The following LAMA2 variants were observed in gnomAD, a reference collection of about 807,000 sequenced individuals.
LAMA2 encodes laminin subunit alpha 2.
LAMA2 carries 269 observed loss-of-function variants against 364.8 expected under a neutral mutation model. The ratio of observed to expected loss-of-function variants is 0.74; its 90% confidence interval spans 0.67 to 0.82. The LOEUF (loss-of-function observed/expected upper bound fraction) is 0.82. Among genes scored for constraint, LAMA2 ranks in the 40% least tolerant of loss-of-function variants. The probability of loss-of-function intolerance (pLI) is 0.00; values close to 1 mark genes in which losing one functional copy is unlikely to be tolerated. For missense variants in LAMA2, 3,807 were observed against 3,873.2 expected (o/e 0.98, Z 0.45); for synonymous variants, 1,379 against 1,370.6 (o/e 1.01, Z -0.14).
intron 1 of LAMA2, among the ~76,000 whole-genome samples, chr6:129,033,895 G>GTTTT (rs10686168): frequency 1.4e-5 from 2 of 147,226 alleles, no homozygotes; most frequent in Non-Finnish European, 1.5e-5. Context: ...CCAGCTATGG[G>GTTTT]TTTTTTTTTT....
At chr6:129,093,033 G>A (rs1249623104) in intron 3 of LAMA2, among the ~76,000 whole-genome samples, 1 of 152,088 alleles carries the variant, frequency 6.6e-6, no homozygotes, top group Non-Finnish European at 1.5e-5. Context: ...GGGTTCCCGA[G>A]TGCAGTGGTG....
At chr6:129,364,425 T>C (rs577660426) in intron 32 of LAMA2, among the ~76,000 whole-genome samples, 1 of 152,338 alleles carries the variant, frequency 6.6e-6, no homozygotes, top group South Asian at 2.1e-4. Flanking sequence ...CATTGATACC[T>C]CTATCTGCAG....
chr6:129,457,795 C>G (rs1203199399), intron 48 of LAMA2, among the ~76,000 whole-genome samples: 1 of 152,062 alleles, frequency 6.6e-6, no homozygotes, highest in Admixed American at 6.6e-5. Context: ...AGTCTGAGAT[C>G]AAGGTACTGG....
chr6:129,411,329 T>C (rs1362104526), intron 40 of LAMA2, among the ~76,000 whole-genome samples: 4 of 152,066 alleles, frequency 2.6e-5, no homozygotes, highest in Admixed American at 1.3e-4. Context: ...AAAAATAATA[T>C]AAAATACAGA....
rs367588717 is a variant in LAMA2 at position 129,342,964 on chromosome 6, AT to A, written c.4436+498del. Among the ~76,000 whole-genome samples, 43 of 152,250 alleles carry A rather than the reference AT, an allele frequency of 2.8e-4. 1 individual carries two copies. The highest frequency in any genetic ancestry group is 2.0e-3 in the Admixed American group (30 of 15,276). On this transcript the variant is annotated intron_variant, in intron 30 of 64. Coordinates refer to ENST00000421865, the MANE Select transcript of LAMA2 (RefSeq NM_000426.4). ...GTGACTTATTGTTATGCTCCAAAAA[AT>A]GTCATCTCCCGGAATCACAGCCTCC... is the stretch of plus-strand genomic sequence containing the variant.
intron 56 of LAMA2, among the ~76,000 whole-genome samples, chr6:129,487,540 T>TA (rs1479860724): frequency 6.6e-6 from 1 of 152,160 alleles, no homozygotes; most frequent in Non-Finnish European, 1.5e-5. Context: ...AGGATACTTT[T>TA]AAATGCAACG....
In LAMA2 at chr6:129,393,180, G is replaced by A. The variant is rs1277771090; in HGVS notation, c.5370G>A (p.Leu1790=). ...AAGTTGATGATGCTTGGGACCTTTT[G>A]AGAGAAGCCACAGATAAAATCAGAG... ...KNKVDDAWDL[L]REATDKIREA... Residue 1790 remains leucine (L), a synonymous_variant, in exon 37 of 65, where the codon TTG becomes TTA. Coordinates refer to ENST00000421865, the MANE Select transcript of LAMA2 (RefSeq NM_000426.4). 1 of 1,614,110 alleles carries A rather than the reference G, an allele frequency of 6.2e-7. No homozygotes were observed. The highest frequency in any genetic ancestry group is 8.5e-7 in the Non-Finnish European group (1 of 1,179,972).
At chr6:128,997,987 T>C (rs775824377) in intron 1 of LAMA2, among the ~76,000 whole-genome samples, 4 of 151,726 alleles carry the variant, frequency 2.6e-5, no homozygotes, top group East Asian at 1.9e-4. Context: ...GAGAAGGTGA[T>C]GGATAGGAGA....
chr6:129,247,799 A>G (rs1785862974), intron 12 of LAMA2, among the ~76,000 whole-genome samples: 1 of 152,234 alleles, frequency 6.6e-6, no homozygotes, highest in Non-Finnish European at 1.5e-5. Flanking sequence ...ATGTTTTACT[A>G]TTATCGCTAT....
chr6:129,475,282 A>AT (rs1784011798), intron 52 of LAMA2, 108 bp from the exon 53 acceptor site: 3 of 721,774 alleles, frequency 4.2e-6, no homozygotes, highest in Admixed American at 2.6e-5. Context: ...CTGTGAAATG[A>AT]TTTTTTAAAG....
rs1780114797 is a variant in LAMA2, at chr6:129,403,959, G to T, written c.5865G>T (p.Leu1955=). Residue 1955 remains leucine, a splice_region_variant and synonymous_variant, in exon 40 of 65, where the codon CTG becomes CTT. Transcript: ENST00000421865. The stretch of plus-strand genomic sequence containing the variant: ...ATCTTGCACATGAAGCTACAAAACT[G>T]GTAAGAAACAAATGGCACATGTGCT... ...AKDLAHEATK[L]ATGPRGLLKE... 1.2e-6 allele frequency: 2 copies of T among 1,613,616 alleles called. No homozygotes were observed. The highest frequency in any genetic ancestry group is 2.7e-5 in the African/African-American group (2 of 74,882).
rs57738384 is a variant in LAMA2, at chr6:129,442,223, A to G, written c.6269-840A>G. The G allele has an allele frequency of 5.0e-3, 6,638 of 1,318,692 alleles. 295 individuals are homozygous for G. The African/African-American group carries it at 0.09, about 18-fold the overall frequency. The allele number at this position is 1,318,692 out of a possible 1,614,324, so 81.7% of individuals were successfully genotyped here. ...GCCTGATTTCAGCATCCTAGCCTCA[A>G]ATCAAATCCTATGGATGCTATGATA... On this transcript the variant is annotated intron_variant, in intron 43 of 64. Coordinates refer to ENST00000421865, the MANE Select transcript of LAMA2 (RefSeq NM_000426.4).
chr6:129,121,430 C>A (rs146742904), intron 4 of LAMA2, among the ~76,000 whole-genome samples: 1 of 152,112 alleles, frequency 6.6e-6, no homozygotes, highest in Non-Finnish European at 1.5e-5. Context: ...TTTAATTTAG[C>A]ATGAGTCATT....
At chr6:128,906,617 T>C in intron 1 of LAMA2, among the ~76,000 whole-genome samples, 1 of 152,018 alleles carries the variant, frequency 6.6e-6, no homozygotes, top group Non-Finnish European at 1.5e-5. Flanking sequence ...TTTCTTTTGC[T>C]GCACAGAAGC....
intron 12 of LAMA2, among the ~76,000 whole-genome samples, chr6:129,200,181 C>T (rs1037651316): frequency 1.5e-5 from 2 of 136,886 alleles, no homozygotes; most frequent in African/African-American, 5.4e-5. Flanking sequence ...TACACATATA[C>T]ATGTGTATAT....
intron 1 of LAMA2, among the ~76,000 whole-genome samples, chr6:128,911,335 C>T (rs945024690): frequency 6.6e-6 from 1 of 152,194 alleles, no homozygotes; most frequent in Non-Finnish European, 1.5e-5. Flanking sequence ...GATATAATCT[C>T]GTGGTTCGCC....
At chr6:129,047,649 T>G (rs1205064138) in intron 1 of LAMA2, among the ~76,000 whole-genome samples, 1 of 152,136 alleles carries the variant, frequency 6.6e-6, no homozygotes, top group African/African-American at 2.4e-5. Flanking sequence ...AAGAACTGAG[T>G]TGTCACTTGA....
At chr6:129,066,288 G>A (rs1041842422) in intron 3 of LAMA2, among the ~76,000 whole-genome samples, 3 of 151,054 alleles carry the variant, frequency 2.0e-5, no homozygotes, top group East Asian at 3.9e-4. Context: ...CTCGTGATCC[G>A]CCCGCCTCGG....
intron 1 of LAMA2, among the ~76,000 whole-genome samples, chr6:129,040,213 C>T (rs1786991863): frequency 1.3e-5 from 2 of 152,088 alleles, no homozygotes; most frequent in Admixed American, 6.6e-5. Flanking sequence ...ACAGAAATTT[C>T]AGGAACAAAG....
Sources: gnomAD v4.1 joint callset for allele counts (sites outside exome capture counted in the v4.1 genomes callset) on GRCh38, gnomAD v4.1.1 for gene constraint, MANE v1.5 for transcripts, NCBI Gene and HGNC (gene_info 2026-07-23, HGNC 2026-07-21) for gene names.